Variants in FAM3D observed in about 807,000 individuals in gnomAD.
The protein encoded by FAM3D is protein FAM3D.
In FAM3D, 26 loss-of-function variants were observed where a neutral mutation model predicts 29.8. That is an observed-to-expected ratio of 0.87 (90% CI 0.64 to 1.21). The LOEUF is 1.21. FAM3D is among the 50% of genes most tolerant of loss of function. The pLI is 0.00. For synonymous variants in FAM3D, 115 were observed against 102.3 expected (o/e 1.12, Z -0.75); for missense variants, 253 against 290.9 (o/e 0.87, Z 0.95).
intron 4 of FAM3D, among the ~76,000 whole-genome samples, chr3:58,646,287 C>G (rs2066478145): frequency 6.6e-6 from 1 of 152,204 alleles, no homozygotes; most frequent in Non-Finnish European, 1.5e-5. Flanking sequence ...TCCGGTTCTC[C>G]CACTGGGAGC....
chr3:58,656,049 A>G (rs2066787432), intron 1 of FAM3D, among the ~76,000 whole-genome samples: 1 of 151,560 alleles, frequency 6.6e-6, no homozygotes, highest in Non-Finnish European at 1.5e-5. Flanking sequence ...CTGTCCATCC[A>G]TCCTTTCAGC....
chr3:58,638,018 G>A (rs1312428850), intron 7 of FAM3D, among the ~76,000 whole-genome samples: 1 of 152,158 alleles, frequency 6.6e-6, no homozygotes, highest in African/African-American at 2.4e-5. Flanking sequence ...CCAAGTAGCT[G>A]GAATTACAGG....
chr3:58,644,215 A>C (rs919658435), intron 5 of FAM3D, among the ~76,000 whole-genome samples: 1 of 152,164 alleles, frequency 6.6e-6, no homozygotes, highest in African/African-American at 2.4e-5. Context: ...GGACAAGCAG[A>C]GCATCCTACG....
chr3:58,647,047 T>C (rs1444641580), intron 4 of FAM3D, among the ~76,000 whole-genome samples: 1 of 152,092 alleles, frequency 6.6e-6, no homozygotes, highest in Non-Finnish European at 1.5e-5. Flanking sequence ...GTGCCCCTTC[T>C]AGGAGCAAAT....
Position 58,643,737 on chromosome 3 carries a change from A to G in FAM3D, c.264-17T>C. ...CTCATGATCCTGAAGACAATGAAGA[A>G]GAAATATGACAGTCGGTCCCGAGTG... On this transcript the variant is annotated splice_polypyrimidine_tract_variant and intron_variant, in intron 5 of 9. Transcript: ENST00000358781. 1 of 1,613,780 alleles carries G rather than the reference A, an allele frequency of 6.2e-7. No homozygotes were observed. The highest frequency in any genetic ancestry group is 8.5e-7 in the Non-Finnish European group (1 of 1,179,724).
At chr3:58,641,548 C>G (rs558832749) in intron 6 of FAM3D, among the ~76,000 whole-genome samples, 3 of 151,868 alleles carry the variant, frequency 2.0e-5, no homozygotes, top group Non-Finnish European at 4.4e-5. Flanking sequence ...AGAGACGGGG[C>G]GGATTCGGGG....
In FAM3D at chr3:58,643,678, G is replaced by C; in HGVS notation, c.306C>G (p.Asn102Lys). 1.2e-6 allele frequency: 2 copies of C among 1,613,770 alleles called. No individual in the cohort carries two copies. Among genetic ancestry groups the C allele is most frequent in the Non-Finnish European group, 1.7e-6 (2 of 1,180,028 alleles). Residue 102 changes from asparagine (N) to lysine (K), a missense_variant, in exon 6 of 10, where the codon AAC becomes AAG. By Grantham distance (94) the Asn-to-Lys change is moderately conservative. Transcript: ENST00000358781. ...PVKNNVGRGL[N>K]IALVNGTTGA... is the part of the protein sequence containing the mutation. ...GCAACTCACCATTCACCAGGGCGAT[G>C]TTTAGGCCTCTGCCCACATTGTTTT...
chr3:58,634,269 C>T lies in FAM3D; in HGVS notation c.*10G>A, dbSNP rs2066097213. The T allele has an allele frequency of 6.2e-7, 1 of 1,613,044 alleles. No individual in the cohort carries two copies. Among genetic ancestry groups the T allele is most frequent in the Non-Finnish European group, 8.5e-7 (1 of 1,179,708 alleles). ...TTCAGGCCCCTGGCTGAGGAAGAGC[C>T]ACAGCCACCCTAAAATGGCTTCGGG... On this transcript the variant is annotated 3_prime_UTR_variant, in exon 10 of 10. Coordinates refer to ENST00000358781, the MANE Select transcript of FAM3D (RefSeq NM_138805.3). This position sits in a 1 kb window ranked among gnomAD's most constrained non-coding sequence, Gnocchi z 4.6.
chr3:58,657,928 C>A (rs2066855618), intron 1 of FAM3D, among the ~76,000 whole-genome samples: 1 of 152,132 alleles, frequency 6.6e-6, no homozygotes, highest in Non-Finnish European at 1.5e-5. Context: ...GGCAAAGGAA[C>A]GAGGAGAAAA....
At chr3:58,652,655 TA>T (rs2066673253) in intron 3 of FAM3D, among the ~76,000 whole-genome samples, 1 of 149,720 alleles carries the variant, frequency 6.7e-6, no homozygotes, top group African/African-American at 2.5e-5. Context: ...TCCATCTACT[TA>T]TCCCTCCATC....
At chr3:58,664,871 T>G (rs2067000578) in intron 1 of FAM3D, among the ~76,000 whole-genome samples, 1 of 152,054 alleles carries the variant, frequency 6.6e-6, no homozygotes, top group South Asian at 2.1e-4. Flanking sequence ...GGGCTGCCAG[T>G]CCCCCAGGCA....
rs369218603 is a variant in FAM3D at position 58,636,414 on chromosome 3, G to A, written c.465C>T (p.Asn155=). 4.3e-5 allele frequency: 70 copies of A among 1,613,980 alleles called. No individual in the cohort carries two copies. The East Asian group carries it at 9.8e-4, about 23-fold the overall frequency. ...CAGAGAAGAGTTTCCTGCTTTCATC[G>A]TTCATTCTGCAGAGGACCAGAGAGG... ...ASYDDPGTKM[N]DESRKLFSDL... Residue 155 remains asparagine (N), a synonymous_variant, in exon 9 of 10, where the codon AAC becomes AAT. Coordinates refer to ENST00000358781, the MANE Select transcript of FAM3D (RefSeq NM_138805.3).
chr3:58,634,127 C>T lies in FAM3D; in HGVS notation c.*152G>A, dbSNP rs911183233. On this transcript the variant is annotated 3_prime_UTR_variant, in exon 10 of 10. Transcript: ENST00000358781. The surrounding 1 kb of genome is among the most constrained non-coding windows in gnomAD (Gnocchi z 4.6). The stretch of plus-strand genomic sequence containing the variant: ...ATGTGCTGTGGGAGGGTTCTGTTTC[C>T]GAGGAGGAGAGGCGCGACACAGCGT... The T allele has an allele frequency of 1.9e-5, 12 of 634,318 alleles. No homozygotes were observed. Among genetic ancestry groups the T allele is most frequent in the African/African-American group, 5.6e-5 (3 of 53,298 alleles). 39.3% of individuals were successfully genotyped at this position (634,318 alleles called of 1,614,324 possible).
chr3:58,634,180 GCACC>G lies in FAM3D; in HGVS notation c.*95_*98del. 9.2e-7 allele frequency: 1 copy of G among 1,083,992 alleles called. No individual in the cohort carries two copies. Among genetic ancestry groups the G allele is most frequent in the African/African-American group, 1.6e-5 (1 of 63,410 alleles). The allele number at this position is 1,083,992 out of a possible 1,614,324, so 67.1% of individuals were successfully genotyped here. On this transcript the variant is annotated 3_prime_UTR_variant, in exon 10 of 10. Coordinates refer to ENST00000358781, the MANE Select transcript of FAM3D (RefSeq NM_138805.3). This position sits in a 1 kb window ranked among gnomAD's most constrained non-coding sequence, Gnocchi z 4.6. ...AAGGACCTGCAGCACCTTCCACGCA[GCACC>G]CCCTGCTCCTCCTCCTCAGCCCCTG...
intron 7 of FAM3D, among the ~76,000 whole-genome samples, chr3:58,639,659 C>T (rs2066273100): frequency 6.6e-6 from 1 of 152,234 alleles, no homozygotes; most frequent in African/African-American, 2.4e-5. Flanking sequence ...CCTGGTCACC[C>T]CTCCATCCTG....
At chr3:58,662,829 T>C (rs1167777713) in intron 1 of FAM3D, among the ~76,000 whole-genome samples, 1 of 152,224 alleles carries the variant, frequency 6.6e-6, no homozygotes, top group East Asian at 1.9e-4. Context: ...GAGTATGATC[T>C]ATCTCTGGGT....
chr3:58,653,529 G>T, intron 3 of FAM3D, 145 bp downstream of exon 3: 2 of 770,424 alleles, frequency 2.6e-6, no homozygotes, highest in East Asian at 2.5e-5. Flanking sequence ...GTCTGGGGGT[G>T]CCCCCTCTCC....
intron 3 of FAM3D, 136 bp from the exon 4 acceptor site, chr3:58,649,474 T>C: frequency 1.1e-6 from 1 of 939,706 alleles, no homozygotes; most frequent in Non-Finnish European, 1.7e-6. Context: ...AAAAATGCCT[T>C]GCCACTGTCA....
chr3:58,647,892 A>G (rs1213184993), intron 4 of FAM3D, among the ~76,000 whole-genome samples: 1 of 152,262 alleles, frequency 6.6e-6, no homozygotes, highest in African/African-American at 2.4e-5. Flanking sequence ...GTGGCTTGCC[A>G]GAAATTGCTC....
Sources: gnomAD v4.1 joint callset for allele counts (sites outside exome capture counted in the v4.1 genomes callset) on GRCh38, gnomAD v4.1.1 for gene constraint, Gnocchi (gnomAD v3.1) non-coding constraint, MANE v1.5 for transcripts, NCBI Gene and HGNC (gene_info 2026-07-23, HGNC 2026-07-21) for gene names.